Variants in RSRC1 observed in about 807,000 individuals in gnomAD.
RSRC1 encodes arginine and serine rich coiled-coil 1, also known as serine/Arginine-related protein 53.
A neutral mutation model predicts 49.1 loss-of-function variants in RSRC1; 39 were observed. The observed-to-expected ratio is 0.79, with a 90% CI of 0.61 to 1.04. RSRC1 has a LOEUF of 1.04. Ranked by LOEUF, RSRC1 falls within the 50% of genes least tolerant of loss-of-function variation. The pLI is 0.00. For synonymous variants in RSRC1, 143 were observed against 130.8 expected (o/e 1.09, Z -0.63); for missense variants, 388 against 402.4 (o/e 0.96, Z 0.31).
intron 4 of RSRC1, among the ~76,000 whole-genome samples, chr3:158,216,355 GTTC>G (rs1265169823): frequency 1.3e-5 from 2 of 150,870 alleles, no homozygotes; most frequent in African/African-American, 4.9e-5. Flanking sequence ...TATCTGTTGA[GTTC>G]TTAATTTTCT....
At chr3:158,437,326 G>A (rs925063400) in intron 6 of RSRC1, among the ~76,000 whole-genome samples, 1 of 152,010 alleles carries the variant, frequency 6.6e-6, no homozygotes, top group African/African-American at 2.4e-5. Context: ...GTTTAATAAT[G>A]GTTAATTTAG....
intron 6 of RSRC1, among the ~76,000 whole-genome samples, chr3:158,377,905 C>T (rs1018929395): frequency 2.0e-5 from 3 of 152,122 alleles, no homozygotes; most frequent in Non-Finnish European, 4.4e-5. Context: ...AAATGATCTG[C>T]CCCCCTCAGC....
chr3:158,417,914 A>AT (rs1734833696), intron 6 of RSRC1, among the ~76,000 whole-genome samples: 1 of 151,938 alleles, frequency 6.6e-6, no homozygotes, highest in African/African-American at 2.4e-5. Flanking sequence ...CAAAATTCAC[A>AT]TATCAGAAGA....
intron 6 of RSRC1, among the ~76,000 whole-genome samples, chr3:158,451,576 A>G (rs1279527881): frequency 6.6e-6 from 1 of 152,054 alleles, no homozygotes; most frequent in African/African-American, 2.4e-5. Flanking sequence ...AGTACTTAAC[A>G]TGAAACTTCA....
At chr3:158,311,898 ATTTT>A (rs1236633563) in intron 5 of RSRC1, among the ~76,000 whole-genome samples, 1 of 151,996 alleles carries the variant, frequency 6.6e-6, no homozygotes, top group Non-Finnish European at 1.5e-5. Context: ...GAGTGGGGAA[ATTTT>A]TTTCTTTAAA....
At chr3:158,433,278 A>G (rs75311161) in intron 6 of RSRC1, among the ~76,000 whole-genome samples, 2,458 of 152,134 alleles carry the variant, frequency 0.016, 52 homozygotes, top group African/African-American at 0.056. Flanking sequence ...GTTTTGTGAA[A>G]TTAATTTCAG....
intron 3 of RSRC1, among the ~76,000 whole-genome samples, chr3:158,198,320 C>CT (rs1720776433): frequency 6.6e-6 from 1 of 151,952 alleles, no homozygotes; most frequent in South Asian, 2.1e-4. Flanking sequence ...CAACCCCTGC[C>CT]TTTTTTTGTT....
chr3:158,459,171 T>C (rs1737493248), intron 6 of RSRC1, among the ~76,000 whole-genome samples: 1 of 152,102 alleles, frequency 6.6e-6, no homozygotes, highest in African/African-American at 2.4e-5. Context: ...TGAAGCTCAA[T>C]TACATAAAAT....
At chr3:158,446,057 C>T (rs1044739367) in intron 6 of RSRC1, among the ~76,000 whole-genome samples, 2 of 151,986 alleles carry the variant, frequency 1.3e-5, no homozygotes, top group African/African-American at 4.8e-5. Flanking sequence ...TTAATGCCTA[C>T]TTGAAAATAT....
intron 5 of RSRC1, among the ~76,000 whole-genome samples, chr3:158,326,948 T>C (rs1362459672): frequency 1.3e-5 from 2 of 152,182 alleles, no homozygotes; most frequent in Non-Finnish European, 2.9e-5. Flanking sequence ...TCTTACTGGT[T>C]TAGTCTTGGG....
Position 158,508,014 on chromosome 3 carries a change from A to G in RSRC1, c.653-29078A>G, listed in dbSNP as rs1340340582. 2.6e-5 allele frequency among the ~76,000 whole-genome samples: 4 copies of G among 152,200 alleles called. No individual in the cohort carries two copies. The East Asian group carries it at 7.7e-4, about 29-fold the overall frequency. ...CTAGAGCCCAGGAGATCAAGGCTGC[A>G]GTGAGCTATGATCATGCCACTGCAC... On this transcript the variant is annotated intron_variant, in intron 7 of 9. Transcript: ENST00000611884.
At chr3:158,321,244 T>A (rs533849164) in intron 5 of RSRC1, among the ~76,000 whole-genome samples, 1 of 150,164 alleles carries the variant, frequency 6.7e-6, no homozygotes, top group East Asian at 2.0e-4. Context: ...TGTTATTCTC[T>A]CTCTTCCTTC....
intron 7 of RSRC1, among the ~76,000 whole-genome samples, chr3:158,476,202 T>A (rs1048269177): frequency 2.0e-5 from 3 of 152,030 alleles, no homozygotes; most frequent in African/African-American, 7.2e-5. Context: ...TGAAGAAAAA[T>A]TTGAAGCTAG....
intron 6 of RSRC1, among the ~76,000 whole-genome samples, chr3:158,408,366 T>G (rs1734261866): frequency 1.3e-5 from 2 of 152,196 alleles, no homozygotes; most frequent in African/African-American, 4.8e-5. Flanking sequence ...CACTGGCATA[T>G]TGAGCCTCCT....
intron 6 of RSRC1, among the ~76,000 whole-genome samples, chr3:158,445,412 C>T (rs1362027070): frequency 6.6e-6 from 1 of 152,024 alleles, no homozygotes; most frequent in Non-Finnish European, 1.5e-5. Flanking sequence ...GGACAAAAAA[C>T]CAAACACCAC....
chr3:158,449,699 T>C (rs1412512928), intron 6 of RSRC1, among the ~76,000 whole-genome samples: 1 of 152,054 alleles, frequency 6.6e-6, no homozygotes, highest in Non-Finnish European at 1.5e-5. Context: ...TATGTATACA[T>C]GTTTCCTTCT....
intron 6 of RSRC1, among the ~76,000 whole-genome samples, chr3:158,455,301 G>A (rs1267476943): frequency 1.3e-5 from 2 of 152,030 alleles, no homozygotes; most frequent in South Asian, 2.1e-4. Context: ...TGGGATGAGG[G>A]TTGTTAAAGC....
At chr3:158,233,694 T>C (rs1490286507) in intron 4 of RSRC1, among the ~76,000 whole-genome samples, 3 of 143,712 alleles carry the variant, frequency 2.1e-5, no homozygotes, top group Admixed American at 6.9e-5. Context: ...GAAATCTTGA[T>C]ATATTATATA....
At chr3:158,490,126 C>A (rs1739007786) in intron 7 of RSRC1, among the ~76,000 whole-genome samples, 1 of 152,072 alleles carries the variant, frequency 6.6e-6, no homozygotes, top group African/African-American at 2.4e-5. Context: ...ACTCTGTCAC[C>A]CAGGCTGGAG....
Sources: gnomAD v4.1 joint callset for allele counts (sites outside exome capture counted in the v4.1 genomes callset) on GRCh38, gnomAD v4.1.1 for gene constraint, MANE v1.5 for transcripts, NCBI Gene and HGNC (gene_info 2026-07-23, HGNC 2026-07-21) for gene names.